The following SHLD2 variants were observed in gnomAD, a reference collection of about 807,000 sequenced individuals.
SHLD2 encodes shieldin complex subunit 2.
In SHLD2, 30 loss-of-function variants were observed where a neutral mutation model predicts 73.2. The observed-to-expected ratio is 0.41, with a 90% confidence interval of 0.31 to 0.56. The LOEUF (loss-of-function observed/expected upper bound fraction) is 0.56, where lower values mean the gene tolerates loss of function less well. SHLD2 is among the 20% of genes least tolerant of loss of function. The pLI is 0.28. For synonymous variants in SHLD2, 285 were observed against 370.1 expected (o/e 0.77, Z 2.64); for missense variants, 745 against 1,055.9 (o/e 0.71, Z 4.08).
intron 2 of SHLD2, among the ~76,000 whole-genome samples, chr10:87,100,504 G>A (rs1376499960): frequency 3.4e-5 from 5 of 148,442 alleles, no homozygotes; most frequent in Non-Finnish European, 7.4e-5. Context: ...TCGAAATGGA[G>A]TCTCACTCTG....
chr10:87,134,842 C>G (rs1287920037), intron 2 of SHLD2, among the ~76,000 whole-genome samples: 1 of 152,132 alleles, frequency 6.6e-6, no homozygotes, highest in African/African-American at 2.4e-5. Flanking sequence ...CATTTCAGGC[C>G]TTCACAGAAT....
At chr10:87,129,302 G>A (rs186549427) in intron 2 of SHLD2, among the ~76,000 whole-genome samples, 287 of 152,248 alleles carry the variant, frequency 1.9e-3, no homozygotes, top group Middle Eastern at 0.01. Context: ...TGTTGGGCAG[G>A]CTGGTCTTGA....
chr10:87,101,936 A>G (rs993396338), intron 2 of SHLD2, among the ~76,000 whole-genome samples: 1 of 152,160 alleles, frequency 6.6e-6, no homozygotes, highest in Non-Finnish European at 1.5e-5. Context: ...GAACTCATTT[A>G]TTCATTCTGA....
In SHLD2 at chr10:87,151,396, A is replaced by C. The variant is rs763713417; in HGVS notation, c.42A>C (p.Pro14=). Reference sequence around the variant, plus strand: ...AAGTCCACATTTTTTGGGGTGCTCCAATTGCTCCACTGAAAATCACAGTAT... The same window carrying C: ...AAGTCCACATTTTTTGGGGTGCTCCCATTGCTCCACTGAAAATCACAGTAT... The part of the protein sequence containing the change: ...GSQVHIFWGA[P]IAPLKITVSE... Residue 14 remains proline, a synonymous_variant, in exon 3 of 10, where the codon CCA becomes CCC. Transcript: ENST00000298786. 3 of 1,590,240 alleles carry C rather than the reference A, an allele frequency of 1.9e-6. No individual in the cohort carries two copies.
At chr10:87,149,546 C>A (rs1845865819) in intron 2 of SHLD2, among the ~76,000 whole-genome samples, 2 of 151,662 alleles carry the variant, frequency 1.3e-5, no homozygotes, top group Admixed American at 6.6e-5. Context: ...AACATGGTGA[C>A]ACCCCATCTC....
intron 6 of SHLD2, among the ~76,000 whole-genome samples, chr10:87,171,561 A>G (rs1847595081): frequency 6.6e-6 from 1 of 152,190 alleles, no homozygotes; most frequent in Non-Finnish European, 1.5e-5. Context: ...TTAAAATAGT[A>G]TAGTGTCTTC....
Position 87,190,537 on chromosome 10 carries a change from T to A in SHLD2, c.2569T>A (p.Leu857Met). 2.5e-6 allele frequency: 4 copies of A among 1,611,998 alleles called. No homozygotes were observed. The highest frequency in any genetic ancestry group is 3.4e-6 in the Non-Finnish European group (4 of 1,179,832). Reference protein sequence around the residue: ...GMVVADLFHSLLAVSAEPCVL... With the variant: ...GMVVADLFHSMLAVSAEPCVL... ...GGTCGTGGCAGACCTGTTCCACTCC[T>A]TGTTGGCAGTCAGCGCAGAACCTTG... The change falls in exon 10 of 10, where the codon TTG (leucine) becomes ATG (methionine). Residue 857 changes from leucine (L) to methionine (M), a missense_variant. Leu to Met is a conservative substitution (Grantham distance 15, BLOSUM62 2). This residue lies in a region of SHLD2 where 418 missense variants were observed against 567.8 expected (regional missense o/e 0.74). Transcript: ENST00000298786.
chr10:87,123,165 C>T (rs1243489158), intron 2 of SHLD2, among the ~76,000 whole-genome samples: 1 of 152,196 alleles, frequency 6.6e-6, no homozygotes, highest in African/African-American at 2.4e-5. Context: ...CCTTGGCCTC[C>T]CAAAATGCTG....
intron 4 of SHLD2, among the ~76,000 whole-genome samples, chr10:87,159,392 CTG>C (rs1322916978): frequency 6.6e-6 from 1 of 152,244 alleles, no homozygotes; most frequent in East Asian, 1.9e-4. Context: ...GTTTCAGGCA[CTG>C]TGTTTACTGT....
chr10:87,190,600 A>T lies in SHLD2; in HGVS notation c.2632A>T (p.Asn878Tyr). 1.2e-6 allele frequency: 2 copies of T among 1,611,922 alleles called. No homozygotes were observed. The highest frequency in any genetic ancestry group is 4.5e-5 in the East Asian group (2 of 44,888). ...KIQSLFVLDE[N>Y]SYPLQQDFSL... ...TCAGAGCCTTTTTGTGTTAGATGAA[A>T]ACAGCTATCCATTACAACAAGATTT... is the stretch of plus-strand genomic sequence containing the variant. Residue 878 changes from asparagine to tyrosine, a missense_variant, in exon 10 of 10, where the codon AAC becomes TAC. Physicochemically the swap from Asn to Tyr is moderately radical, Grantham distance 143. Around this residue, in one of 5 missense-constraint regions of SHLD2, gnomAD observed 418 missense variants for 567.8 expected, o/e 0.74. Coordinates refer to ENST00000298786, the MANE Select transcript of SHLD2 (RefSeq NM_001330112.2).
At chr10:87,161,263 G>A (rs1414940782) in intron 4 of SHLD2, among the ~76,000 whole-genome samples, 2 of 151,852 alleles carry the variant, frequency 1.3e-5, no homozygotes, top group African/African-American at 2.4e-5. Context: ...ACCAGCCTGG[G>A]CTACAAAAAA....
chr10:87,113,748 T>C (rs1024574078), intron 2 of SHLD2, among the ~76,000 whole-genome samples: 16 of 149,640 alleles, frequency 1.1e-4, no homozygotes, highest in Non-Finnish European at 2.9e-5. Context: ...GGCTGAAGCC[T>C]GTAATCCCAG....
At chr10:87,147,205 T>C (rs1845690309) in intron 2 of SHLD2, among the ~76,000 whole-genome samples, 1 of 152,014 alleles carries the variant, frequency 6.6e-6, no homozygotes, top group South Asian at 2.1e-4. Context: ...CTATCAAATA[T>C]AGTAATGCTA....
chr10:87,166,590 C>T (rs1589622366), intron 4 of SHLD2, among the ~76,000 whole-genome samples: 1 of 152,150 alleles, frequency 6.6e-6, no homozygotes, highest in Middle Eastern at 3.4e-3. Context: ...AATAAAAATC[C>T]TCGTAAGATT....
intron 8 of SHLD2, among the ~76,000 whole-genome samples, chr10:87,181,051 G>A (rs1848273259): frequency 6.6e-6 from 1 of 151,904 alleles, no homozygotes; most frequent in Non-Finnish European, 1.5e-5. Flanking sequence ...TGCTATTACT[G>A]TGAAAGTTGC....
At chr10:87,129,634 AT>A (rs939669900) in intron 2 of SHLD2, among the ~76,000 whole-genome samples, 2 of 151,644 alleles carry the variant, frequency 1.3e-5, no homozygotes, top group Non-Finnish European at 2.9e-5. Context: ...AAAAGTATCG[AT>A]TTTTTTTCAT....
intron 8 of SHLD2, among the ~76,000 whole-genome samples, chr10:87,181,979 G>A (rs1039741739): frequency 2.0e-5 from 3 of 151,824 alleles, no homozygotes; most frequent in African/African-American, 2.4e-5. Context: ...TGTTGGTCAG[G>A]CTGGTCTCGA....
Position 87,132,934 on chromosome 10 carries a change from G to A in SHLD2, c.-5-18416G>A, listed in dbSNP as rs1010084189. 1.2e-4 allele frequency among the ~76,000 whole-genome samples: 19 copies of A among 152,042 alleles called. 1 individual carries two copies. Among genetic ancestry groups the A allele is most frequent in the Middle Eastern group, 3.4e-3 (1 of 294 alleles). Reference sequence around the variant, plus strand: ...TAAGTTTTTTTCATGAATTATTTTCGTTAATCTTATTCATTGTTGTGTCCT... The same window carrying A: ...TAAGTTTTTTTCATGAATTATTTTCATTAATCTTATTCATTGTTGTGTCCT... On this transcript the variant is annotated intron_variant, in intron 2 of 9. Transcript: ENST00000298786.
At chr10:87,126,800 G>T (rs1263610560) in intron 2 of SHLD2, among the ~76,000 whole-genome samples, 1 of 152,158 alleles carries the variant, frequency 6.6e-6, no homozygotes, top group Non-Finnish European at 1.5e-5. Flanking sequence ...CATTCTTTCA[G>T]TTGGAAATCA....
Sources: gnomAD v4.1 joint callset for allele counts (sites outside exome capture counted in the v4.1 genomes callset) on GRCh38, gnomAD v4.1.1 for gene constraint, gnomAD v4.1.1 regional missense constraint, MANE v1.5 for transcripts, NCBI Gene and HGNC (gene_info 2026-07-23, HGNC 2026-07-21) for gene names.